KCMF1: variants seen among roughly 807,000 people sequenced by gnomAD.
The protein encoded by KCMF1 is potassium channel modulatory factor 1.
In KCMF1, 3 loss-of-function variants were observed where a neutral mutation model predicts 41.1. The ratio of observed to expected loss-of-function variants is 0.07; its 90% confidence interval spans 0.03 to 0.19. The LOEUF is 0.19. KCMF1 is among the 10% of genes least tolerant of loss of function. The pLI is 1.00. For synonymous variants in KCMF1, 142 were observed against 164.5 expected (o/e 0.86, Z 1.04); for missense variants, 286 against 488.9 (o/e 0.58, Z 3.91).
rs565400486 is a variant in KCMF1, at chr2:85,052,138, C to T, written c.885-1010C>T. On this transcript the variant is annotated intron_variant, in intron 6 of 6. Coordinates refer to ENST00000409785, the MANE Select transcript of KCMF1 (RefSeq NM_020122.5). The stretch of plus-strand genomic sequence containing the variant: ...AAGCTGGAGTGCAATGGCACGATCT[C>T]GGCTCACTGCAACCACCGCCTCCCA... Among the ~76,000 whole-genome samples, 23 of 152,266 alleles carry T rather than the reference C, an allele frequency of 1.5e-4. No homozygotes were observed. In the East Asian group the frequency reaches 2.7e-3, roughly 18 times the overall value.
At chr2:84,973,552 C>A (rs979755532) in intron 1 of KCMF1, among the ~76,000 whole-genome samples, 4 of 152,114 alleles carry the variant, frequency 2.6e-5, no homozygotes, top group African/African-American at 9.7e-5. Context: ...ACTTATAGTA[C>A]AATATTCGAC....
At position 85,049,477 on chromosome 2, in the gene KCMF1, G is replaced by A. The variant is rs1340101535; in HGVS notation, c.713G>A (p.Arg238Gln). 5 of 1,613,986 alleles carry A rather than the reference G, an allele frequency of 3.1e-6. No homozygotes were observed. The highest frequency in any genetic ancestry group is 2.2e-5 in the East Asian group (1 of 44,880). ...QQLQMQLQLERQHAQAARQQL... is the reference protein window; with the variant it reads ...QQLQMQLQLEQQHAQAARQQL... ...CTGCAGATGCAGCTGCAGCTAGAAC[G>A]GCAGCATGCCCAGGCAGCACGGCAA... Residue 238 changes from arginine (R) to glutamine (Q), a missense_variant, in exon 6 of 7, where the codon CGG becomes CAG. Around this residue, in one of 2 missense-constraint regions of KCMF1, gnomAD observed 191 missense variants for 279.3 expected, o/e 0.68. Transcript: ENST00000409785.
chr2:85,039,820 T>C (rs993498250), intron 3 of KCMF1, among the ~76,000 whole-genome samples: 1 of 151,668 alleles, frequency 6.6e-6, no homozygotes, highest in East Asian at 1.9e-4. Context: ...GTTTTTTCCT[T>C]TTTTTTTGGA....
chr2:85,043,277 T>C (rs925048927), intron 3 of KCMF1, among the ~76,000 whole-genome samples: 7 of 152,220 alleles, frequency 4.6e-5, no homozygotes, highest in African/African-American at 1.7e-4. Flanking sequence ...TTAAAGTTTT[T>C]TTTAATGGAA....
chr2:85,025,468 A>G (rs1675075005), intron 1 of KCMF1, among the ~76,000 whole-genome samples: 1 of 152,178 alleles, frequency 6.6e-6, no homozygotes, highest in Non-Finnish European at 1.5e-5. Flanking sequence ...CATCTCCAGA[A>G]TTCTTCCATT....
At chr2:85,052,650 C>T (rs1340945270) in intron 6 of KCMF1, among the ~76,000 whole-genome samples, 1 of 152,110 alleles carries the variant, frequency 6.6e-6, no homozygotes, top group African/African-American at 2.4e-5. Context: ...TTTTCTTGCC[C>T]TTTCTAGCTT....
chr2:84,974,691 AT>A (rs869056943), intron 1 of KCMF1, among the ~76,000 whole-genome samples: 43 of 14,592 alleles, frequency 2.9e-3, no homozygotes, highest in Admixed American at 3.6e-3. Context: ...ATATATATAT[AT>A]TTTTTTTTTT....
chr2:85,015,483 G>A (rs1038444619), intron 1 of KCMF1, among the ~76,000 whole-genome samples: 3 of 152,126 alleles, frequency 2.0e-5, no homozygotes, highest in Non-Finnish European at 4.4e-5. Context: ...GTCCATTGTT[G>A]CTAAGATAAG....
intron 5 of KCMF1, among the ~76,000 whole-genome samples, chr2:85,048,586 C>T (rs185683301): frequency 2.6e-5 from 4 of 152,196 alleles, no homozygotes; most frequent in Admixed American, 6.5e-5. Context: ...CGAGGTGGAC[C>T]CTCCACTTGG....
Position 85,051,186 on chromosome 2 carries a change from A to C in KCMF1, c.884+1538A>C, listed in dbSNP as rs2104067821. The stretch of plus-strand genomic sequence containing the variant: ...GCAAGGTCAGTAACTGTGCCTGGTT[A>C]TTACCAGATAATGCTGCTTTAATGT... On this transcript the variant is annotated intron_variant, in intron 6 of 6. Transcript: ENST00000409785. Among the ~76,000 whole-genome samples the C allele has an allele frequency of 2.6e-5, 4 of 152,342 alleles. No individual in the cohort carries two copies. In the South Asian group the frequency reaches 8.3e-4, roughly 32 times the overall value.
In KCMF1 at chr2:85,053,691, G is replaced by T; in HGVS notation, c.*282G>T. 1 of 294,490 alleles carries T rather than the reference G, an allele frequency of 3.4e-6. No homozygotes were observed. The highest frequency in any genetic ancestry group is 6.3e-6 in the Non-Finnish European group (1 of 158,530). 18.2% of individuals were successfully genotyped at this position (294,490 alleles called of 1,614,324 possible). On this transcript the variant is annotated 3_prime_UTR_variant, in exon 7 of 7. Transcript: ENST00000409785. ...TAATACTCCACATTCAAACTGAAGA[G>T]GAAAATTGAAATCTCTAATGAAGCT...
Position 85,023,771 on chromosome 2 carries a change from C to CTA in KCMF1, c.17-4117_17-4116dup, listed in dbSNP as rs984272956. Among the ~76,000 whole-genome samples, 5 of 152,280 alleles carry CTA rather than the reference C, an allele frequency of 3.3e-5. 1 individual carries two copies. The Middle Eastern group carries it at 0.01, about 311-fold the overall frequency. ...TAGGAGGTATATGTGTTTAACTTGA[C>CTA]TAAAAATATGAACAAATTTTTCAAA... is the stretch of plus-strand genomic sequence containing the variant. On this transcript the variant is annotated intron_variant, in intron 1 of 6. Transcript: ENST00000409785.
intron 1 of KCMF1, among the ~76,000 whole-genome samples, chr2:85,011,137 G>A (rs147932052): frequency 5.1e-4 from 77 of 152,136 alleles, no homozygotes; most frequent in African/African-American, 1.8e-3. Context: ...CACCGTGCCC[G>A]GCCAGTCTAT....
intron 5 of KCMF1, among the ~76,000 whole-genome samples, chr2:85,048,367 T>A (rs1000283718): frequency 6.6e-6 from 1 of 152,164 alleles, no homozygotes; most frequent in Admixed American, 6.6e-5. Context: ...ATTGAGAAAT[T>A]TTCTTCATTT....
chr2:85,042,590 G>T (rs1160884364), intron 3 of KCMF1, among the ~76,000 whole-genome samples: 1 of 152,172 alleles, frequency 6.6e-6, no homozygotes, highest in Non-Finnish European at 1.5e-5. Context: ...CTTGAACTGT[G>T]CACTTCCTGG....
chr2:85,025,740 CTGAGA>C (rs1675086899), intron 1 of KCMF1, among the ~76,000 whole-genome samples: 1 of 152,080 alleles, frequency 6.6e-6, no homozygotes, highest in African/African-American at 2.4e-5. Flanking sequence ...ACCCGAGTAG[CTGAGA>C]TTACAGGCAC....
intron 1 of KCMF1, among the ~76,000 whole-genome samples, chr2:85,023,830 G>T (rs1675016743): frequency 6.6e-6 from 1 of 152,160 alleles, no homozygotes; most frequent in Non-Finnish European, 1.5e-5. Context: ...TACCAGCAGG[G>T]TATAAGCACT....
At position 85,028,236 on chromosome 2, in the gene KCMF1, G is replaced by A. The variant is rs184226293; in HGVS notation, c.184+180G>A. On this transcript the variant is annotated intron_variant, in intron 2 of 6. Coordinates refer to ENST00000409785, the MANE Select transcript of KCMF1 (RefSeq NM_020122.5). Reference sequence around the variant, plus strand: ...TCGCTCTTGTTGCCCAGGCTGGAGTGCAATGGCGCGATCTTGGCTCACTGC... The same window carrying A: ...TCGCTCTTGTTGCCCAGGCTGGAGTACAATGGCGCGATCTTGGCTCACTGC... 2.4e-3 allele frequency among the ~76,000 whole-genome samples: 370 copies of A among 152,234 alleles called. 1 individual carries two copies. Among genetic ancestry groups the A allele is most frequent in the Non-Finnish European group, 4.4e-3 (299 of 68,002 alleles).
intron 1 of KCMF1, among the ~76,000 whole-genome samples, chr2:84,987,062 T>C (rs1424890682): frequency 1.3e-5 from 2 of 152,180 alleles, no homozygotes; most frequent in Non-Finnish European, 2.9e-5. Context: ...TGGCGGTGCA[T>C]GTTAGGTTTT....
Sources: gnomAD v4.1 joint callset for allele counts (sites outside exome capture counted in the v4.1 genomes callset) on GRCh38, gnomAD v4.1.1 for gene constraint, gnomAD v4.1.1 regional missense constraint, MANE v1.5 for transcripts, NCBI Gene and HGNC (gene_info 2026-07-23, HGNC 2026-07-21) for gene names.